Variants in TRAPPC9 observed in about 807,000 individuals in gnomAD.
The protein encoded by TRAPPC9 is trafficking protein particle complex subunit 9.
A neutral mutation model predicts 124.0 loss-of-function variants in TRAPPC9; 83 were observed. That is an observed-to-expected ratio of 0.67 (90% CI 0.56 to 0.80). The LOEUF (loss-of-function observed/expected upper bound fraction) is 0.80, where lower values mean the gene tolerates loss of function less well. Among genes scored for constraint, TRAPPC9 ranks in the 30% least tolerant of loss-of-function variants. The pLI is 0.00. For missense variants in TRAPPC9, 1,302 were observed against 1,508.3 expected, an observed-to-expected ratio of 0.86 and a Z score of 2.27; for synonymous variants, 638 against 617.5, an observed-to-expected ratio of 1.03 and a Z score of -0.49.
In TRAPPC9 at chr8:140,185,040, T is replaced by C. The variant is rs1433653606; in HGVS notation, c.2556+36419A>G. On this transcript the variant is annotated intron_variant, in intron 17 of 22. Transcript: ENST00000438773. ...ACAGGAGAGCACTCTTTCCATGAGATAGCTTGCCAATAATGGCAGGCTAAT... is the reference window on the plus strand; with the variant it reads ...ACAGGAGAGCACTCTTTCCATGAGACAGCTTGCCAATAATGGCAGGCTAAT... Among the ~76,000 whole-genome samples the C allele has an allele frequency of 5.3e-5, 8 of 152,254 alleles. No homozygotes were observed. In the East Asian group the frequency reaches 7.7e-4, roughly 15 times the overall value.
At chr8:140,166,608 G>A (rs2061842029) in intron 17 of TRAPPC9, among the ~76,000 whole-genome samples, 2 of 152,180 alleles carry the variant, frequency 1.3e-5, no homozygotes, top group Non-Finnish European at 2.9e-5. Flanking sequence ...CTCAGGGTCT[G>A]GCAACATGTG....
Position 139,776,798 on chromosome 8 carries a change from G to A in TRAPPC9, c.3056-44596C>T, listed in dbSNP as rs113877428. On this transcript the variant is annotated intron_variant, in intron 21 of 22. Coordinates refer to ENST00000438773, the MANE Select transcript of TRAPPC9 (RefSeq NM_001160372.4). The surrounding 1 kb of genome is among the most constrained non-coding windows in gnomAD (Gnocchi z 4.1). ...AAACGACTGCATAAGAAGTTCCTCA[G>A]GGAAAACAAAAATGATTCTGAGGCA... Among the ~76,000 whole-genome samples the A allele has an allele frequency of 1.3e-5, 2 of 152,324 alleles. No homozygotes were observed. The highest frequency in any genetic ancestry group is 4.8e-5 in the African/African-American group (2 of 41,570).
intron 17 of TRAPPC9, among the ~76,000 whole-genome samples, chr8:140,207,358 T>C (rs1395973496): frequency 6.6e-6 from 1 of 152,234 alleles, no homozygotes; most frequent in Admixed American, 6.5e-5. Context: ...TGTTTGACGT[T>C]GTCTCTATTT....
chr8:140,100,804 G>GT lies in TRAPPC9; in HGVS notation c.2557-76726dup, dbSNP rs59395887. Reference sequence around the variant, plus strand: ...GACAGGGCCCTGAGGATGACTCCGTGTCCTAGACTGCGGGTATTAACATGG... The same window carrying GT: ...GACAGGGCCCTGAGGATGACTCCGTGTTCCTAGACTGCGGGTATTAACATGG... On this transcript the variant is annotated intron_variant, in intron 17 of 22. Coordinates refer to ENST00000438773, the MANE Select transcript of TRAPPC9 (RefSeq NM_001160372.4). 9.3e-3 allele frequency among the ~76,000 whole-genome samples: 1,419 copies of GT among 152,320 alleles called. 25 individuals are homozygous for GT. Among genetic ancestry groups the GT allele is most frequent in the African/African-American group, 0.032 (1,323 of 41,572 alleles).
chr8:140,202,993 G>A (rs1035912963), intron 17 of TRAPPC9, among the ~76,000 whole-genome samples: 11 of 152,138 alleles, frequency 7.2e-5, no homozygotes, highest in African/African-American at 2.4e-4. Flanking sequence ...TTCAACAAGC[G>A]TCCAAAAGAA....
chr8:140,263,450 C>T lies in TRAPPC9; in HGVS notation c.2279-10521G>A, dbSNP rs149287290. Among the ~76,000 whole-genome samples the T allele has an allele frequency of 9.1e-4, 139 of 152,250 alleles. 2 individuals carry two copies. In the East Asian group the frequency reaches 0.018, roughly 20 times the overall value. ...CAGCCATGGGATGGATTTCCCTGAA[C>T]GCTGGGCTAAGAAACTAGGGATAGG... is the stretch of plus-strand genomic sequence containing the variant. On this transcript the variant is annotated intron_variant, in intron 15 of 22. Coordinates refer to ENST00000438773, the MANE Select transcript of TRAPPC9 (RefSeq NM_001160372.4).
chr8:140,359,907 G>A, intron 9 of TRAPPC9, 143 bp downstream of exon 9: 1 of 1,189,796 alleles, frequency 8.4e-7, no homozygotes, highest in Non-Finnish European at 1.2e-6. Flanking sequence ...CAAGGCATGG[G>A]GCAGGGACCT....
At chr8:139,835,806 G>A (rs2130862059) in intron 21 of TRAPPC9, among the ~76,000 whole-genome samples, 1 of 151,952 alleles carries the variant, frequency 6.6e-6, no homozygotes, top group Middle Eastern at 3.4e-3. Flanking sequence ...AAAGCCCACA[G>A]AATCCGTTAC....
rs1234980967 is a variant in TRAPPC9, at chr8:140,252,028, C to A, written c.2431+749G>T. On this transcript the variant is annotated intron_variant, in intron 16 of 22. Coordinates refer to ENST00000438773, the MANE Select transcript of TRAPPC9 (RefSeq NM_001160372.4). This position sits in a 1 kb window ranked among gnomAD's most constrained non-coding sequence, Gnocchi z 4.2. ...ATTTGGCATAATTAATTTATGAAAT[C>A]TTTTTTTTTTTTTTGAGATGGAGTC... Among the ~76,000 whole-genome samples the A allele has an allele frequency of 8.9e-5, 13 of 145,358 alleles. No homozygotes were observed. The highest frequency in any genetic ancestry group is 1.8e-4 in the Non-Finnish European group (12 of 65,824).
intron 21 of TRAPPC9, among the ~76,000 whole-genome samples, chr8:139,744,344 C>A (rs375273432): frequency 1.3e-5 from 2 of 152,130 alleles, no homozygotes; most frequent in African/African-American, 2.4e-5. Flanking sequence ...CCCCTCCCCA[C>A]CCCTGCTCCT....
At position 140,287,595 on chromosome 8, in the gene TRAPPC9, G is replaced by A; in HGVS notation, c.1981+13C>T. 1 of 1,614,068 alleles carries A rather than the reference G, an allele frequency of 6.2e-7. No homozygotes were observed. The highest frequency in any genetic ancestry group is 8.5e-7 in the Non-Finnish European group (1 of 1,179,954). On this transcript the variant is annotated intron_variant, in intron 13 of 22. Transcript: ENST00000438773. ...ACCCTCCTGAGCAGGAAGCATGAAG[G>A]GACTCTCCTTACCGTTCACAGTAAT... is the stretch of plus-strand genomic sequence containing the variant.
intron 21 of TRAPPC9, among the ~76,000 whole-genome samples, chr8:139,743,764 C>T (rs1818710525): frequency 1.3e-5 from 2 of 152,208 alleles, no homozygotes; most frequent in South Asian, 2.1e-4. Flanking sequence ...CAGGCAGGCA[C>T]ATCCCATATA....
intron 5 of TRAPPC9, among the ~76,000 whole-genome samples, chr8:140,415,606 A>T (rs189050602): frequency 3.1e-4 from 47 of 152,218 alleles, no homozygotes; most frequent in Admixed American, 1.9e-3. Context: ...AAAAAGCCAT[A>T]ATATACTAAA....
chr8:139,876,481 G>A (rs572123061), intron 21 of TRAPPC9, among the ~76,000 whole-genome samples: 8 of 152,288 alleles, frequency 5.3e-5, no homozygotes, highest in Non-Finnish European at 8.8e-5. Flanking sequence ...CTCTGCTTCC[G>A]GGACATCTGC....
chr8:140,410,261 C>G (rs186712202), intron 5 of TRAPPC9, among the ~76,000 whole-genome samples: 1 of 151,844 alleles, frequency 6.6e-6, no homozygotes, highest in African/African-American at 2.4e-5. Context: ...TTTGACCAGG[C>G]GCAATGGCTC....
intron 21 of TRAPPC9, among the ~76,000 whole-genome samples, chr8:139,745,898 C>T (rs776268938): frequency 1.4e-4 from 21 of 152,268 alleles, no homozygotes; most frequent in Non-Finnish European, 2.8e-4. Flanking sequence ...GTGCCCATGG[C>T]GAGCACGCTG....
intron 21 of TRAPPC9, among the ~76,000 whole-genome samples, chr8:139,761,371 C>G (rs1363158905): frequency 6.6e-6 from 1 of 152,182 alleles, no homozygotes; most frequent in Non-Finnish European, 1.5e-5. Flanking sequence ...GGACATGAAG[C>G]TTGTTTAATC....
intron 17 of TRAPPC9, among the ~76,000 whole-genome samples, chr8:140,132,434 C>T (rs1001469244): frequency 1.3e-5 from 2 of 152,162 alleles, no homozygotes; most frequent in Admixed American, 6.5e-5. Flanking sequence ...ATCACCCAAA[C>T]CTCAGCCTCA....
intron 5 of TRAPPC9, among the ~76,000 whole-genome samples, chr8:140,413,056 G>A (rs1434396312): frequency 6.6e-6 from 1 of 152,136 alleles, no homozygotes; most frequent in Non-Finnish European, 1.5e-5. Flanking sequence ...GCTGGGCACG[G>A]GGAATCCACT....
Sources: gnomAD v4.1 joint callset for allele counts (sites outside exome capture counted in the v4.1 genomes callset) on GRCh38, gnomAD v4.1.1 for gene constraint, Gnocchi (gnomAD v3.1) non-coding constraint, MANE v1.5 for transcripts, NCBI Gene and HGNC (gene_info 2026-07-23, HGNC 2026-07-21) for gene names.